CSTPP1: variants seen among roughly 807,000 people sequenced by gnomAD.
CSTPP1 encodes UPF0705 protein C11orf49.
chr11:47,093,317 T>C, the CSTPP1 span, among the ~76,000 whole-genome samples: 1 of 152,214 alleles, frequency 6.6e-6, no homozygotes, highest in Admixed American at 6.5e-5. Context: ...AACTGTGATG[T>C]GACTGGCAAG....
chr11:47,019,362 T>C, the CSTPP1 span, among the ~76,000 whole-genome samples: 1 of 152,204 alleles, frequency 6.6e-6, no homozygotes, highest in African/African-American at 2.4e-5. Context: ...ATTCACAACT[T>C]GGCTAACTGT....
the CSTPP1 span, chr11:47,164,383 A>T: frequency 4.6e-6 from 5 of 1,082,630 alleles, no homozygotes; most frequent in Admixed American, 6.2e-5. Flanking sequence ...GTCCAGAAAG[A>T]AAGTCAAGTC....
the CSTPP1 span, among the ~76,000 whole-genome samples, chr11:47,162,832 AG>A: frequency 6.6e-6 from 1 of 152,176 alleles, no homozygotes; most frequent in Non-Finnish European, 1.5e-5. Context: ...GGATCATTAC[AG>A]GAACTGCCTC....
At chr11:47,154,087 C>T in the CSTPP1 span, among the ~76,000 whole-genome samples, 1 of 151,918 alleles carries the variant, frequency 6.6e-6, no homozygotes, top group Non-Finnish European at 1.5e-5. Context: ...CTACAGGTGC[C>T]CACCATGCCC....
chr11:46,968,319 C>A, the CSTPP1 span, among the ~76,000 whole-genome samples: 3 of 146,844 alleles, frequency 2.0e-5, no homozygotes, highest in East Asian at 3.9e-4. Context: ...CAATACAATT[C>A]TAGCAAATGG....
chr11:47,032,175 T>A, the CSTPP1 span, among the ~76,000 whole-genome samples: 2 of 152,280 alleles, frequency 1.3e-5, no homozygotes, highest in East Asian at 1.9e-4. Context: ...TGACACTCAA[T>A]ATTAACATGA....
chr11:47,151,861 A>G, the CSTPP1 span, among the ~76,000 whole-genome samples: 4 of 151,844 alleles, frequency 2.6e-5, no homozygotes, highest in South Asian at 8.3e-4. Flanking sequence ...CATATGTTTC[A>G]GCTCCCCAGT....
At chr11:47,151,925 C>T in the CSTPP1 span, among the ~76,000 whole-genome samples, 9 of 151,758 alleles carry the variant, frequency 5.9e-5, no homozygotes, top group African/African-American at 1.5e-4. Context: ...AAGACCCACC[C>T]GTAGGACTGT....
the CSTPP1 span, among the ~76,000 whole-genome samples, chr11:47,144,346 G>A: frequency 7.9e-5 from 12 of 151,946 alleles, no homozygotes; most frequent in Admixed American, 3.3e-4. Context: ...CCGCCACCAC[G>A]CCTTGCTAAT....
the CSTPP1 span, among the ~76,000 whole-genome samples, chr11:47,066,097 T>G: frequency 1.1e-3 from 14 of 12,572 alleles, no homozygotes; most frequent in South Asian, 7.1e-3. Context: ...TTGTGGGTTT[T>G]TTTTTTTTTT....
the CSTPP1 span, among the ~76,000 whole-genome samples, chr11:47,015,092 A>G: frequency 6.6e-6 from 1 of 152,226 alleles, no homozygotes; most frequent in Admixed American, 6.5e-5. Flanking sequence ...TTTTATACCA[A>G]TAAATTCAAT....
At chr11:47,128,466 T>A in the CSTPP1 span, among the ~76,000 whole-genome samples, 3 of 152,222 alleles carry the variant, frequency 2.0e-5, no homozygotes, top group East Asian at 5.8e-4. Flanking sequence ...ATTGCAGCCT[T>A]AACATCCTAG....
the CSTPP1 span, among the ~76,000 whole-genome samples, chr11:46,988,862 A>C: frequency 6.6e-6 from 1 of 152,140 alleles, no homozygotes; most frequent in African/African-American, 2.4e-5. Context: ...TGTACCCATG[A>C]AAATTAGAAC....
chr11:46,993,683 TGTA>T, the CSTPP1 span, among the ~76,000 whole-genome samples: 4 of 152,196 alleles, frequency 2.6e-5, no homozygotes, highest in Non-Finnish European at 5.9e-5. Flanking sequence ...ACTGTAGCCT[TGTA>T]GTATAGTTTG....
the CSTPP1 span, among the ~76,000 whole-genome samples, chr11:47,099,832 T>A: frequency 6.6e-6 from 1 of 152,234 alleles, no homozygotes; most frequent in East Asian, 1.9e-4. Flanking sequence ...AGACAAATGC[T>A]GCTGAAATTA....
chr11:47,044,438 G>C, the CSTPP1 span, among the ~76,000 whole-genome samples: 1 of 152,100 alleles, frequency 6.6e-6, no homozygotes, highest in African/African-American at 2.4e-5. Context: ...GCGCAGTCAC[G>C]TGAATCTTGC....
chr11:47,155,106 C>A, the CSTPP1 span: 1 of 1,159,726 alleles, frequency 8.6e-7, no homozygotes, highest in Non-Finnish European at 1.3e-6. Flanking sequence ...CTTCCTCCCT[C>A]TCCCTCTCTC....
At chr11:47,114,138 G>A in the CSTPP1 span, among the ~76,000 whole-genome samples, 2 of 152,098 alleles carry the variant, frequency 1.3e-5, no homozygotes, top group Non-Finnish European at 2.9e-5. Flanking sequence ...TGTCAGGTTT[G>A]TCAAAGATCA....
the CSTPP1 span, among the ~76,000 whole-genome samples, chr11:46,995,145 C>A: frequency 2.0e-5 from 3 of 152,002 alleles, no homozygotes; most frequent in Non-Finnish European, 2.9e-5. Flanking sequence ...TTTTTTATTG[C>A]GTCTATTTGA....
Sources: allele counts gnomAD v4.1 joint callset (sites outside exome capture counted in the v4.1 genomes callset), GRCh38; gene constraint gnomAD v4.1.1; transcripts MANE v1.5; gene names NCBI Gene and HGNC (gene_info 2026-07-23, HGNC 2026-07-21).